The following MDFIC2 variants were observed in gnomAD, a reference collection of about 807,000 sequenced individuals.
MDFIC2 encodes MyoD family inhibitor domain containing 2.
chr3:70,245,806 T>A (rs575363595), intron 2 of MDFIC2, among the ~76,000 whole-genome samples: 1 of 149,974 alleles, frequency 6.7e-6, no homozygotes, highest in East Asian at 2.0e-4. Context: ...AAATGTGCTC[T>A]TCCTGTCACC....
intron 2 of MDFIC2, among the ~76,000 whole-genome samples, chr3:70,231,370 A>G (rs1417410067): frequency 6.6e-6 from 1 of 152,190 alleles, no homozygotes; most frequent in Non-Finnish European, 1.5e-5. Context: ...CAAGCTGTCA[A>G]CGCAAACTTG....
intron 2 of MDFIC2, among the ~76,000 whole-genome samples, chr3:70,257,125 C>A (rs1559546606): frequency 6.6e-6 from 1 of 152,140 alleles, no homozygotes; most frequent in Non-Finnish European, 1.5e-5. Context: ...CGCTACTTTT[C>A]TAGAAAATGA....
chr3:70,279,508 C>A (rs1270895617), intron 2 of MDFIC2, among the ~76,000 whole-genome samples: 1 of 152,152 alleles, frequency 6.6e-6, no homozygotes, highest in East Asian at 1.9e-4. Context: ...TTTCTCAGTT[C>A]TCCTCCACTA....
At chr3:70,270,723 A>G (rs984408673) in intron 2 of MDFIC2, among the ~76,000 whole-genome samples, 4 of 152,188 alleles carry the variant, frequency 2.6e-5, no homozygotes, top group Non-Finnish European at 4.4e-5. Flanking sequence ...GGACGAGTTC[A>G]TGTCCTTTGC....
At chr3:70,260,878 C>A (rs1461292701) in intron 2 of MDFIC2, among the ~76,000 whole-genome samples, 1 of 152,088 alleles carries the variant, frequency 6.6e-6, no homozygotes, top group Non-Finnish European at 1.5e-5. Flanking sequence ...AGAGAATGTA[C>A]CATCTTTTCC....
chr3:70,293,254 A>G (rs1456000583), intron 2 of MDFIC2, among the ~76,000 whole-genome samples: 1 of 152,090 alleles, frequency 6.6e-6, no homozygotes, highest in Non-Finnish European at 1.5e-5. Context: ...AATGCATAAA[A>G]TAAAGTACAT....
At chr3:70,236,717 T>C (rs990878596) in intron 2 of MDFIC2, among the ~76,000 whole-genome samples, 2 of 152,062 alleles carry the variant, frequency 1.3e-5, no homozygotes, top group Non-Finnish European at 2.9e-5. Flanking sequence ...TGCCTCAGCC[T>C]CGTGAGTAGC....
chr3:70,232,403 TA>T (rs1256891776), intron 2 of MDFIC2, among the ~76,000 whole-genome samples: 2 of 136,882 alleles, frequency 1.5e-5, no homozygotes, highest in African/African-American at 2.6e-5. Flanking sequence ...ATGATGTTCC[TA>T]TTTTTTTTTT....
intron 3 of MDFIC2, among the ~76,000 whole-genome samples, chr3:70,199,261 T>A (rs1701211322): frequency 6.6e-6 from 1 of 152,190 alleles, no homozygotes; most frequent in South Asian, 2.1e-4. Flanking sequence ...TAAAGTGGTC[T>A]TATAATTTCC....
At chr3:70,312,377 C>T (rs1702461472) in intron 1 of MDFIC2, among the ~76,000 whole-genome samples, 174 bp downstream of exon 1, 1 of 152,148 alleles carries the variant, frequency 6.6e-6, no homozygotes, top group Non-Finnish European at 1.5e-5. Context: ...AACACAAAAG[C>T]ATCTTTTCAG....
chr3:70,252,623 C>A (rs1338565681), intron 2 of MDFIC2, among the ~76,000 whole-genome samples: 1 of 152,130 alleles, frequency 6.6e-6, no homozygotes, highest in East Asian at 1.9e-4. Context: ...AGATGTGCCC[C>A]ATTTATAGGA....
intron 2 of MDFIC2, among the ~76,000 whole-genome samples, chr3:70,284,496 C>T (rs553575177): frequency 1.3e-5 from 2 of 152,210 alleles, no homozygotes; most frequent in East Asian, 1.9e-4. Context: ...TGGCATCAAC[C>T]TAAATGCCCA....
chr3:70,288,576 C>A (rs1306424418), intron 2 of MDFIC2, among the ~76,000 whole-genome samples: 1 of 147,464 alleles, frequency 6.8e-6, no homozygotes, highest in Admixed American at 6.7e-5. Flanking sequence ...CTATTAGGTC[C>A]ACTTGCTGCA....
chr3:70,271,655 G>A (rs887609851), intron 2 of MDFIC2: 1 of 152,154 alleles, frequency 6.6e-6, no homozygotes, highest in Non-Finnish European at 1.5e-5. Flanking sequence ...CATCTAAGAA[G>A]GTCTCTGGAG....
chr3:70,288,093 T>A (rs1226084178), intron 2 of MDFIC2, among the ~76,000 whole-genome samples: 1 of 149,014 alleles, frequency 6.7e-6, no homozygotes, highest in Non-Finnish European at 1.5e-5. Context: ...GTTCTTGCCT[T>A]CTGCTAGCTT....
intron 2 of MDFIC2, among the ~76,000 whole-genome samples, chr3:70,253,104 AC>A: frequency 6.6e-6 from 1 of 152,300 alleles, no homozygotes; most frequent in Non-Finnish European, 1.5e-5. Context: ...TCGAAGAGAA[AC>A]TAATACCTAA....
At chr3:70,233,659 C>T (rs1014871776) in intron 2 of MDFIC2, among the ~76,000 whole-genome samples, 1 of 152,144 alleles carries the variant, frequency 6.6e-6, no homozygotes, top group African/African-American at 2.4e-5. Flanking sequence ...CATCCCTCTA[C>T]TTCCTTCAGT....
At chr3:70,244,955 T>C (rs559465422) in intron 2 of MDFIC2, among the ~76,000 whole-genome samples, 2 of 152,260 alleles carry the variant, frequency 1.3e-5, no homozygotes, top group East Asian at 3.9e-4. Context: ...AAATTATATA[T>C]ATAAAAATCA....
At chr3:70,223,535 T>C (rs7427227) in intron 2 of MDFIC2, among the ~76,000 whole-genome samples, 152,190 of 152,282 alleles carry the variant, frequency 1, 76,049 homozygotes, top group East Asian at 1. Context: ...TGCCTCAATT[T>C]GGAAAGGCTG....
Sources: allele counts gnomAD v4.1 joint callset (sites outside exome capture counted in the v4.1 genomes callset), GRCh38; gene constraint gnomAD v4.1.1; transcripts MANE v1.5; gene names NCBI Gene and HGNC (gene_info 2026-07-23, HGNC 2026-07-21).